ADAMTS6: variants seen among roughly 807,000 people sequenced by gnomAD.
The protein encoded by ADAMTS6 is ADAM metallopeptidase with thrombospondin type 1 motif 6.
Under a neutral mutation model 144.3 loss-of-function variants are expected in ADAMTS6, and 23 were observed. That is an observed-to-expected ratio of 0.16 (90% CI 0.11 to 0.23). The LOEUF is 0.23. ADAMTS6 is among the 10% of genes least tolerant of loss of function. The pLI is 1.00. For synonymous variants in ADAMTS6, 444 were observed against 457.5 expected (o/e 0.97, Z 0.38); for missense variants, 999 against 1,379.6 (o/e 0.72, Z 4.37).
rs112619989 is a variant in ADAMTS6 at position 65,377,496 on chromosome 5, C to T, written c.1074-43411G>A. Among the ~76,000 whole-genome samples the T allele has an allele frequency of 3.9e-3, 597 of 152,194 alleles. 9 individuals carry two copies. Among genetic ancestry groups the T allele is most frequent in the African/African-American group, 0.013 (530 of 41,518 alleles). ...TCCAATGAGCTATCCCTGCACAATC[C>T]GGAGAGATGATTTAGCCCCTTTTAA... On this transcript the variant is annotated intron_variant, in intron 7 of 24. Transcript: ENST00000381055.
intron 24 of ADAMTS6, among the ~76,000 whole-genome samples, chr5:65,159,709 T>C (rs1375277774): frequency 6.6e-6 from 1 of 152,192 alleles, no homozygotes; most frequent in Non-Finnish European, 1.5e-5. Context: ...CTACTAAACC[T>C]TTGAGAACAG....
At chr5:65,260,830 G>C (rs960334292) in intron 13 of ADAMTS6, among the ~76,000 whole-genome samples, 167 bp from the exon 14 acceptor site, 2 of 151,874 alleles carry the variant, frequency 1.3e-5, no homozygotes, top group African/African-American at 2.4e-5. Context: ...CAATAATTAT[G>C]GTTGTTGAAC....
intron 21 of ADAMTS6, among the ~76,000 whole-genome samples, chr5:65,196,274 T>C (rs145761400): frequency 0.013 from 1,914 of 152,180 alleles, 15 homozygotes; most frequent in Non-Finnish European, 0.021. Flanking sequence ...CGGTGGCTCA[T>C]GCCTGTAATC....
At chr5:65,301,659 C>T (rs958284415) in intron 9 of ADAMTS6, among the ~76,000 whole-genome samples, 2 of 151,910 alleles carry the variant, frequency 1.3e-5, no homozygotes, top group African/African-American at 4.8e-5. Context: ...AAAATCATTA[C>T]CAACTGAGAA....
intron 7 of ADAMTS6, among the ~76,000 whole-genome samples, chr5:65,403,946 AAG>A (rs1166557149): frequency 6.6e-6 from 1 of 152,108 alleles, no homozygotes; most frequent in African/African-American, 2.4e-5. Context: ...ACAGAAAAAA[AAG>A]AGTGCCTGAT....
chr5:65,225,096 AT>A, intron 16 of ADAMTS6, 49 bp from the exon 17 acceptor site: 2 of 1,573,754 alleles, frequency 1.3e-6, no homozygotes, highest in South Asian at 2.4e-5. Flanking sequence ...AATTCTTGGA[AT>A]CATAACTAAT....
At chr5:65,361,201 G>A (rs1486580871) in intron 7 of ADAMTS6, among the ~76,000 whole-genome samples, 3 of 151,956 alleles carry the variant, frequency 2.0e-5, no homozygotes, top group African/African-American at 4.8e-5. Flanking sequence ...AGATCAAAAT[G>A]GTTTAAAATA....
At chr5:65,241,585 TCTA>T (rs1297793188) in intron 15 of ADAMTS6, among the ~76,000 whole-genome samples, 1 of 152,122 alleles carries the variant, frequency 6.6e-6, no homozygotes, top group Non-Finnish European at 1.5e-5. Flanking sequence ...GTAAAATACT[TCTA>T]CTTATTGAAC....
At chr5:65,268,882 A>C (rs1341197050) in intron 12 of ADAMTS6, among the ~76,000 whole-genome samples, 1 of 152,192 alleles carries the variant, frequency 6.6e-6, no homozygotes, top group African/African-American at 2.4e-5. Context: ...GGATATGTCT[A>C]TGCTATCACT....
chr5:65,194,846 T>A lies in ADAMTS6; in HGVS notation c.2705+2176A>T, dbSNP rs1426921387. Among the ~76,000 whole-genome samples, 4 of 152,210 alleles carry A rather than the reference T, an allele frequency of 2.6e-5. No individual in the cohort carries two copies. In the East Asian group the frequency reaches 5.8e-4, roughly 22 times the overall value. On this transcript the variant is annotated intron_variant, in intron 21 of 24. Coordinates refer to ENST00000381055, the MANE Select transcript of ADAMTS6 (RefSeq NM_197941.4). ...TACATAAGGAGATAGAAAGCTTAAT[T>A]TTAATAGTGTACATCAATATGTCAA...
chr5:65,315,092 A>G (rs1279751648), intron 9 of ADAMTS6, among the ~76,000 whole-genome samples: 1 of 152,110 alleles, frequency 6.6e-6, no homozygotes, highest in Non-Finnish European at 1.5e-5. Context: ...TAACTATTTA[A>G]AGTAATAATA....
At chr5:65,239,005 T>A (rs569414202) in intron 15 of ADAMTS6, among the ~76,000 whole-genome samples, 1 of 152,006 alleles carries the variant, frequency 6.6e-6, no homozygotes, top group Non-Finnish European at 1.5e-5. Flanking sequence ...AACATCAAAG[T>A]TAATGGAACT....
At chr5:65,432,701 T>C (rs1313512851) in intron 7 of ADAMTS6, among the ~76,000 whole-genome samples, 1 of 152,168 alleles carries the variant, frequency 6.6e-6, no homozygotes, top group African/African-American at 2.4e-5. Flanking sequence ...AGAAATGTTG[T>C]ATGATTTATT....
intron 7 of ADAMTS6, among the ~76,000 whole-genome samples, chr5:65,348,711 C>T (rs994796179): frequency 6.6e-6 from 1 of 151,916 alleles, no homozygotes; most frequent in African/African-American, 2.4e-5. Flanking sequence ...TTAATTTAAT[C>T]ATCCAGTAAT....
At position 65,299,564 on chromosome 5, in the gene ADAMTS6, T is replaced by G. The variant is rs1045727645; in HGVS notation, c.1370+421A>C. Among the ~76,000 whole-genome samples, 6 of 152,152 alleles carry G rather than the reference T, an allele frequency of 3.9e-5. 1 individual carries two copies. Among genetic ancestry groups the G allele is most frequent in the Admixed American group, 3.9e-4 (6 of 15,262 alleles). ...CTCAAAGTGTTCATTTCCTTGGTGTTTGGTTTTTTTTTGTTGTTGTTGTTG... is the reference window on the plus strand; with the variant it reads ...CTCAAAGTGTTCATTTCCTTGGTGTGTGGTTTTTTTTTGTTGTTGTTGTTG... On this transcript the variant is annotated intron_variant, in intron 10 of 24. Coordinates refer to ENST00000381055, the MANE Select transcript of ADAMTS6 (RefSeq NM_197941.4).
intron 7 of ADAMTS6, among the ~76,000 whole-genome samples, chr5:65,337,419 T>G (rs1747408029): frequency 6.6e-6 from 1 of 152,122 alleles, no homozygotes; most frequent in African/African-American, 2.4e-5. Context: ...TTCATTCTCT[T>G]ATTCCTATTT....
At chr5:65,469,093 C>A (rs139830956) in intron 3 of ADAMTS6, among the ~76,000 whole-genome samples, 6 of 152,256 alleles carry the variant, frequency 3.9e-5, no homozygotes, top group African/African-American at 1.4e-4. Flanking sequence ...AAGTTCAATT[C>A]TATTTCAATT....
At position 65,170,711 on chromosome 5, in the gene ADAMTS6, T is replaced by C; in HGVS notation, c.3150A>G (p.Gly1050=). The change falls in exon 24 of 25, where the codon GGA becomes GGG. Residue 1050 remains glycine (G), a synonymous_variant. Transcript: ENST00000381055. ...TTTCTAGACAGTCACTAGATGCCTG[T>C]CCGGTGTAGGAGAGACACTGCACAG... ...MRTVQCLSYT[G]QASSDCLETV... The C allele has an allele frequency of 6.2e-7, 1 of 1,614,138 alleles. No individual in the cohort carries two copies. The highest frequency in any genetic ancestry group is 8.5e-7 in the Non-Finnish European group (1 of 1,180,020).
chr5:65,254,911 AT>A (rs1171604583), intron 14 of ADAMTS6, among the ~76,000 whole-genome samples: 3 of 152,222 alleles, frequency 2.0e-5, no homozygotes, highest in African/African-American at 7.2e-5. Flanking sequence ...AGAGAATATG[AT>A]TACAATAATA....
Sources: gnomAD v4.1 joint callset for allele counts (sites outside exome capture counted in the v4.1 genomes callset) on GRCh38, gnomAD v4.1.1 for gene constraint, MANE v1.5 for transcripts, NCBI Gene and HGNC (gene_info 2026-07-23, HGNC 2026-07-21) for gene names.